Variants in LHB observed in about 807,000 individuals in gnomAD.
LHB encodes lutropin subunit beta.
LHB carries 11 observed loss-of-function variants against 10.6 expected under a neutral mutation model. The observed-to-expected ratio is 1.04, with a 90% CI of 0.66 to 1.72. LHB has a LOEUF of 1.72. Ranked by LOEUF, LHB falls within the 40% of genes most tolerant of loss-of-function variation. The pLI, the probability that LHB is intolerant of heterozygous loss-of-function variation, is 0.00. For synonymous variants in LHB, 86 were observed against 83.1 expected (o/e 1.03, Z -0.19); for missense variants, 184 against 197.3 (o/e 0.93, Z 0.41).
At chr19:49,017,588 T>A (rs1348516116), upstream of LHB, 12 of 1,091,106 alleles carry the variant, frequency 1.1e-5, no homozygotes, top group East Asian at 5.7e-4. Flanking sequence ...TTGACCCAGA[T>A]GCCCCCAAGG....
upstream of LHB, chr19:49,019,295 G>GCT (rs200854569): frequency 2.8e-6 from 3 of 1,086,688 alleles, no homozygotes; most frequent in East Asian, 6.7e-5. Context: ...CCCTGGTTCC[G>GCT]CTCTGTCTTA....
chr19:49,017,254 C>T (rs2039572486), upstream of LHB, among the ~76,000 whole-genome samples: 1 of 152,078 alleles, frequency 6.6e-6, no homozygotes, highest in South Asian at 2.1e-4. Flanking sequence ...GCGCCCCAGC[C>T]CTCTCCCCTC....
In LHB at chr19:49,016,298, G is replaced by A. The variant is rs765580672; in HGVS notation, c.196C>T (p.Gln66Ter). The change falls in exon 3 of 3, where the codon CAG becomes TAG. Residue 66 changes from glutamine (Q) to a stop codon, truncating the protein, a stop_gained. Coordinates refer to ENST00000649238, the MANE Select transcript of LHB (RefSeq NM_000894.3). LOFTEE classifies it high-confidence loss of function. ...TGAGGCAGGGGCGGCAGGACCGCCT[G>A]CAGCACGCGCATCTGGAGGCCGTGT... ...GYCPTMMRVL[Q>*]AVLPPLPQVV... 1.9e-6 allele frequency: 3 copies of A among 1,611,036 alleles called. No individual in the cohort carries two copies. The highest frequency in any genetic ancestry group is 2.5e-6 in the Non-Finnish European group (3 of 1,179,792).
rs761300947 is a variant in LHB at position 49,016,248 on chromosome 19, C to A, written c.246G>T (p.Val82=). The A allele has an allele frequency of 6.2e-7, 1 of 1,612,440 alleles. No individual in the cohort carries two copies. The highest frequency in any genetic ancestry group is 8.5e-7 in the Non-Finnish European group (1 of 1,179,894). The change falls in exon 3 of 3, where the codon GTG becomes GTT. Residue 82 remains valine (V), a synonymous_variant. Coordinates refer to ENST00000649238, the MANE Select transcript of LHB (RefSeq NM_000894.3). ...LPQVVCTYRD[V]RFESIRLPGC... ...CAGGGAGCCGGATGGACTCGAAGCG[C>A]ACATCACGGTAGGTGCACACCACCT...
chr19:49,019,280 A>T (rs2039600197), upstream of LHB: 5 of 1,229,256 alleles, frequency 4.1e-6, no homozygotes, highest in South Asian at 1.2e-4. Flanking sequence ...CACCAAAAAC[A>T]ACCTCCCTGG....
At chr19:49,017,937 G>A, upstream of LHB, 1 of 398,630 alleles carries the variant, frequency 2.5e-6, no homozygotes, top group Non-Finnish European at 4.4e-6. Context: ...GGCCCTGGGG[G>A]CGGGTCTGGG....
rs1325771234 is a variant in LHB, at chr19:49,017,066, C to T, written c.15+1G>A. On this transcript the variant is annotated splice_donor_variant, in intron 1 of 2. Coordinates refer to ENST00000649238, the MANE Select transcript of LHB (RefSeq NM_000894.3). LOFTEE classifies it high-confidence loss of function. The stretch of plus-strand genomic sequence containing the variant: ...GGTGCCCAGGGGCCCTGTAGTCTTA[C>T]CTGGAGCATCTCCATCCTTGGTGCA... The T allele has an allele frequency of 1.2e-6, 2 of 1,613,878 alleles. No individual in the cohort carries two copies. Among genetic ancestry groups the T allele is most frequent in the Non-Finnish European group, 1.7e-6 (2 of 1,179,862 alleles).
upstream of LHB, chr19:49,017,431 C>T (rs2039575969): frequency 2.6e-6 from 3 of 1,150,136 alleles, no homozygotes; most frequent in Non-Finnish European, 3.4e-6. Flanking sequence ...GGCCATGACC[C>T]GAGAAAGGTG....
chr19:49,016,240 T>C lies in LHB; in HGVS notation c.254A>G (p.Glu85Gly), dbSNP rs1372037758. 2 of 1,612,390 alleles carry C rather than the reference T, an allele frequency of 1.2e-6. No homozygotes were observed. The highest frequency in any genetic ancestry group is 1.7e-6 in the Non-Finnish European group (2 of 1,179,878). Residue 85 changes from glutamate (E) to glycine (G), a missense_variant, in exon 3 of 3, where the codon GAG becomes GGG. Coordinates refer to ENST00000649238, the MANE Select transcript of LHB (RefSeq NM_000894.3). ...VVCTYRDVRF[E>G]SIRLPGCPRG... ...CGGGCAGCCAGGGAGCCGGATGGAC[T>C]CGAAGCGCACATCACGGTAGGTGCA...
chr19:49,017,930 C>T (rs1487968762), upstream of LHB: 3 of 398,436 alleles, frequency 7.5e-6, no homozygotes, highest in African/African-American at 2.1e-5. Context: ...GCAGCGCGGC[C>T]CTGGGGGCGG....
upstream of LHB, chr19:49,018,749 G>T: frequency 4.8e-6 from 4 of 832,130 alleles, no homozygotes. Flanking sequence ...TTTGGTTCTT[G>T]CTGCTACAGA....
chr19:49,018,941 G>T (rs1162283430), upstream of LHB: 7 of 1,534,426 alleles, frequency 4.6e-6, no homozygotes, highest in East Asian at 9.8e-5. Flanking sequence ...GGACGCCCCG[G>T]TCGGATACTG....
upstream of LHB, chr19:49,017,785 T>A: frequency 2.5e-6 from 1 of 403,268 alleles, no homozygotes; most frequent in Non-Finnish European, 4.3e-6. Flanking sequence ...CTGGACTTAG[T>A]CCCCTCTCCG....
chr19:49,019,181 C>G (rs1037921506), upstream of LHB: 1 of 1,412,210 alleles, frequency 7.1e-7, no homozygotes, highest in African/African-American at 1.5e-5. Context: ...ACTTCAGCTT[C>G]CTTTCTCATA....
At chr19:49,017,685 T>G, upstream of LHB, 2 of 628,776 alleles carry the variant, frequency 3.2e-6, no homozygotes, top group East Asian at 4.2e-5. Flanking sequence ...TCCCCGGAAG[T>G]GGGTGTGGTT....
Position 49,016,134 on chromosome 19 carries a change from A to C in LHB, c.360T>G (p.Cys120Trp), listed in dbSNP as rs759571421. ...TCAAGGGGTGGTCTTTGGGACCCCC[A>C]CAGTCAGAGGTGCTGCGGCGGCAGG... ...CGPCRRSTSDCGGPKDHPLTC... is the reference protein window; with the variant it reads ...CGPCRRSTSDWGGPKDHPLTC... The change falls in exon 3 of 3, where the codon TGT becomes TGG. Residue 120 changes from cysteine (C) to tryptophan (W), a missense_variant. By Grantham distance (215) the Cys-to-Trp change is radical. Coordinates refer to ENST00000649238, the MANE Select transcript of LHB (RefSeq NM_000894.3). 2.2e-5 allele frequency: 36 copies of C among 1,612,780 alleles called. No homozygotes were observed. Among genetic ancestry groups the C allele is most frequent in the Non-Finnish European group, 2.9e-5 (34 of 1,180,034 alleles).
At chr19:49,017,708 C>G (rs1229495619), upstream of LHB, 1 of 524,972 alleles carries the variant, frequency 1.9e-6, no homozygotes, top group Non-Finnish European at 2.9e-6. Context: ...GGTGATTTAA[C>G]TCATTATTTA....
In LHB at chr19:49,016,718, G is replaced by A; in HGVS notation, c.16-4C>T. The A allele has an allele frequency of 6.2e-7, 1 of 1,610,662 alleles. No homozygotes were observed. Among genetic ancestry groups the A allele is most frequent in the South Asian group, 1.1e-5 (1 of 90,984 alleles). ...GCAGCAGCAACAGCAGCAGCCCCTG[G>A]GACAAGGACACTGCTTCACCCAGGT... On this transcript the variant is annotated splice_polypyrimidine_tract_variant and splice_region_variant and intron_variant, in intron 1 of 2. Coordinates refer to ENST00000649238, the MANE Select transcript of LHB (RefSeq NM_000894.3).
chr19:49,016,291 AC>A lies in LHB; in HGVS notation c.202del (p.Val68SerfsTer61), dbSNP rs2039550857. On this transcript the variant is annotated frameshift_variant, in exon 3 of 3. Transcript: ENST00000649238. LOFTEE classifies it high-confidence loss of function. ...CACCACCTGAGGCAGGGGCGGCAGG[AC>A]CGCCTGCAGCACGCGCATCTGGAGG... ...CPTMMRVLQA[V>X]LPPLPQVVCT... 6.2e-7 allele frequency: 1 copy of A among 1,611,354 alleles called. No homozygotes were observed. The highest frequency in any genetic ancestry group is 8.5e-7 in the Non-Finnish European group (1 of 1,179,784).
Sources: allele counts gnomAD v4.1 joint callset (sites outside exome capture counted in the v4.1 genomes callset), GRCh38; gene constraint gnomAD v4.1.1; transcripts MANE v1.5; gene names NCBI Gene and HGNC (gene_info 2026-07-23, HGNC 2026-07-21).